Variants in DCBLD2 observed in about 807,000 individuals in gnomAD.
DCBLD2 encodes discoidin, CUB and LCCL domain containing 2.
A neutral mutation model predicts 86.8 loss-of-function variants in DCBLD2; 54 were observed. That is an observed-to-expected ratio of 0.62 (90% CI 0.50 to 0.78). The LOEUF (loss-of-function observed/expected upper bound fraction) is 0.78, where lower values mean the gene tolerates loss of function less well. DCBLD2 is among the 30% of genes least tolerant of loss of function. The pLI is 0.00. For missense variants in DCBLD2, 908 were observed against 954.2 expected (o/e 0.95, Z 0.64); for synonymous variants, 354 against 341.3 (o/e 1.04, Z -0.41).
In DCBLD2 at chr3:98,808,134, C is replaced by T. The variant is rs200123782; in HGVS notation, c.1617G>A (p.Met539Ile). ...LAAVLVPVLVMVLTTLILILV... is the reference protein window; with the variant it reads ...LAAVLVPVLVIVLTTLILILV... The stretch of plus-strand genomic sequence containing the variant: ...ATATGAGAATGAGAGTAGTGAGGAC[C>T]ATGACCAGCACAGGGACAAGAACTG... The change falls in exon 13 of 16, where the codon ATG becomes ATA. Residue 539 changes from methionine to isoleucine, a missense_variant. Transcript: ENST00000326840. 6.2e-6 allele frequency: 10 copies of T among 1,607,016 alleles called. No individual in the cohort carries two copies. The African/African-American group carries it at 1.3e-4, about 22-fold the overall frequency.
Position 98,819,424 on chromosome 3 carries a change from CAAAG to C in DCBLD2, c.872-11_872-8del. On this transcript the variant is annotated splice_polypyrimidine_tract_variant and splice_region_variant and intron_variant, in intron 7 of 15. Coordinates refer to ENST00000326840, the MANE Select transcript of DCBLD2 (RefSeq NM_080927.4). ...CCCAGTGTTCCATAACATCCTGAAA[CAAAG>C]AAAAGACTAAATTTGGTTTCCAGGT... 6.2e-7 allele frequency: 1 copy of C among 1,613,516 alleles called. No individual in the cohort carries two copies. The highest frequency in any genetic ancestry group is 8.5e-7 in the Non-Finnish European group (1 of 1,179,672).
At chr3:98,841,992 G>T (rs906969934) in intron 3 of DCBLD2, among the ~76,000 whole-genome samples, 4 of 152,200 alleles carry the variant, frequency 2.6e-5, no homozygotes, top group African/African-American at 9.6e-5. Flanking sequence ...TTGAACCCGA[G>T]AGGCGGAGGC....
Position 98,808,157 on chromosome 3 carries a change from C to T in DCBLD2, c.1594G>A (p.Val532Ile). The change falls in exon 13 of 16, where the codon GTT (valine) becomes ATT (isoleucine). Residue 532 changes from valine (V) to isoleucine (I), a missense_variant. Transcript: ENST00000326840. ...ACCATGACCAGCACAGGGACAAGAA[C>T]TGCAGCCAGCGCTACATCTGAAGTT... is the stretch of plus-strand genomic sequence containing the variant. The part of the protein sequence containing the change: ...NVTKDVALAA[V>I]LVPVLVMVLT... 1.2e-6 allele frequency: 2 copies of T among 1,602,848 alleles called. No individual in the cohort carries two copies. The highest frequency in any genetic ancestry group is 1.7e-5 in the Admixed American group (1 of 58,192).
At chr3:98,862,312 C>A (rs1413894969) in intron 2 of DCBLD2, among the ~76,000 whole-genome samples, 1 of 152,212 alleles carries the variant, frequency 6.6e-6, no homozygotes, top group Non-Finnish European at 1.5e-5. Context: ...TGGTACCATT[C>A]TTTCTGAAAG....
At chr3:98,802,296 C>G (rs1230163506) in intron 13 of DCBLD2, among the ~76,000 whole-genome samples, 2 of 152,186 alleles carry the variant, frequency 1.3e-5, no homozygotes, top group African/African-American at 4.8e-5. Context: ...TTGCATTTCT[C>G]TGATGGCCAG....
At chr3:98,896,854 T>C (rs1417172296) in intron 1 of DCBLD2, among the ~76,000 whole-genome samples, 1 of 152,196 alleles carries the variant, frequency 6.6e-6, no homozygotes, top group Admixed American at 6.5e-5. Flanking sequence ...CTTTTCCTCA[T>C]CCTTCTACTG....
intron 3 of DCBLD2, among the ~76,000 whole-genome samples, chr3:98,844,801 A>G (rs1191587066): frequency 6.6e-6 from 1 of 152,204 alleles, no homozygotes; most frequent in Non-Finnish European, 1.5e-5. Context: ...TGCCAGTATA[A>G]AAGTCCAAGA....
intron 3 of DCBLD2, among the ~76,000 whole-genome samples, chr3:98,847,328 G>GAT (rs1370172258): frequency 1.3e-5 from 2 of 152,204 alleles, no homozygotes; most frequent in African/African-American, 4.8e-5. Context: ...CAGAGGCAGG[G>GAT]ATACCAAGAG....
intron 13 of DCBLD2, among the ~76,000 whole-genome samples, chr3:98,806,491 G>T (rs1012807219): frequency 1.3e-5 from 2 of 151,864 alleles, no homozygotes; most frequent in Admixed American, 1.3e-4. Context: ...ATACTAATTT[G>T]CTGTGTCTCT....
chr3:98,881,799 TTC>T, intron 1 of DCBLD2, 32 bp from the exon 2 acceptor site: 1 of 1,572,102 alleles, frequency 6.4e-7, no homozygotes, highest in South Asian at 1.2e-5. Context: ...TGATAAATTA[TTC>T]TCACATATTT....
At chr3:98,837,868 G>A (rs1313378986) in intron 3 of DCBLD2, among the ~76,000 whole-genome samples, 2 of 144,440 alleles carry the variant, frequency 1.4e-5, no homozygotes, top group African/African-American at 2.6e-5. Flanking sequence ...CATGCGGGGG[G>A]CTGACCCCCC....
chr3:98,822,263 A>T lies in DCBLD2; in HGVS notation c.795T>A (p.Tyr265Ter). Residue 265 changes from tyrosine (Y) to a stop codon, truncating the protein, a stop_gained, in exon 6 of 16, where the codon TAT becomes TAA. Coordinates refer to ENST00000326840, the MANE Select transcript of DCBLD2 (RefSeq NM_080927.4). LOFTEE classifies it high-confidence loss of function. ...TGACGTTGTTAGCCAAAGAACTTTC[A>T]TAATAGGGGATACCTTTACTAATTA... ...SVVISKGIPY[Y>*]ESSLANNVTS... The T allele has an allele frequency of 6.2e-7, 1 of 1,614,000 alleles. No individual in the cohort carries two copies. Among genetic ancestry groups the T allele is most frequent in the Non-Finnish European group, 8.5e-7 (1 of 1,179,864 alleles).
intron 13 of DCBLD2, among the ~76,000 whole-genome samples, chr3:98,802,341 G>A (rs1035228484): frequency 8.5e-5 from 13 of 152,272 alleles, no homozygotes; most frequent in African/African-American, 3.1e-4. Flanking sequence ...TTTGTTGGCT[G>A]CATAAATGTC....
At chr3:98,837,459 G>T (rs1942490116) in intron 3 of DCBLD2, among the ~76,000 whole-genome samples, 1 of 35,264 alleles carries the variant, frequency 2.8e-5, no homozygotes, top group African/African-American at 1.1e-4. Context: ...CGGCTGGCCG[G>T]GCGGGGGGCT....
intron 2 of DCBLD2, among the ~76,000 whole-genome samples, chr3:98,870,757 G>GAAAAGA (rs71124008): frequency 9.0e-5 from 10 of 111,516 alleles, no homozygotes; most frequent in African/African-American, 1.4e-4. Context: ...AAGAAAGAAA[G>GAAAAGA]AAAGAAAGAA....
intron 2 of DCBLD2, among the ~76,000 whole-genome samples, chr3:98,859,010 C>T (rs576104985): frequency 3.3e-5 from 5 of 152,258 alleles, no homozygotes; most frequent in East Asian, 3.9e-4. Flanking sequence ...CCTGGAAAAT[C>T]GGGTCACTTC....
intron 12 of DCBLD2, among the ~76,000 whole-genome samples, chr3:98,809,901 A>G (rs141285035): frequency 1.7e-3 from 266 of 152,340 alleles, no homozygotes; most frequent in Admixed American, 6.5e-3. Flanking sequence ...TGCTTTTTCC[A>G]TAAGATTAGT....
chr3:98,823,267 T>G (rs1942156660), intron 4 of DCBLD2, among the ~76,000 whole-genome samples: 2 of 152,208 alleles, frequency 1.3e-5, no homozygotes, highest in Non-Finnish European at 2.9e-5. Context: ...TTTTTTGTCT[T>G]ATTACATACT....
chr3:98,856,436 C>G (rs575603495), intron 2 of DCBLD2, among the ~76,000 whole-genome samples: 4 of 152,134 alleles, frequency 2.6e-5, no homozygotes, highest in South Asian at 4.2e-4. Flanking sequence ...AGCTTATAAA[C>G]CACTGCAAAC....
Sources: allele counts gnomAD v4.1 joint callset (sites outside exome capture counted in the v4.1 genomes callset), GRCh38; gene constraint gnomAD v4.1.1; transcripts MANE v1.5; gene names NCBI Gene and HGNC (gene_info 2026-07-23, HGNC 2026-07-21).